The following TANC1 variants were observed in gnomAD, a reference collection of about 807,000 sequenced individuals.
TANC1 encodes the protein tetratricopeptide repeat, ankyrin repeat and coiled-coil containing 1.
Under a neutral mutation model 149.7 loss-of-function variants are expected in TANC1, and 77 were observed. That is an observed-to-expected ratio of 0.51 (90% CI 0.43 to 0.62). TANC1 has a LOEUF of 0.62. Among genes scored for constraint, TANC1 ranks in the 20% least tolerant of loss-of-function variants. The probability of loss-of-function intolerance (pLI) is 0.00; values close to 1 mark genes in which losing one functional copy is unlikely to be tolerated. For missense variants in TANC1, 1,985 were observed against 2,321.8 expected, an observed-to-expected ratio of 0.85 and a Z score of 2.98; for synonymous variants, 854 against 925.0, an observed-to-expected ratio of 0.92 and a Z score of 1.39.
intron 4 of TANC1, among the ~76,000 whole-genome samples, chr2:159,126,612 A>G (rs1369571663): frequency 6.6e-6 from 1 of 152,274 alleles, no homozygotes; most frequent in Non-Finnish European, 1.5e-5. Context: ...GATAGCTAGC[A>G]GACTGGCTTG....
rs4664277 is a variant in TANC1 at position 159,230,143 on chromosome 2, A to G, written c.4717A>G (p.Thr1573Ala). 628,414 of 1,613,384 alleles carry G rather than the reference A, an allele frequency of 0.39. 127,890 individuals are homozygous for G. Among genetic ancestry groups the G allele is most frequent in the East Asian group, 0.62 (27,867 of 44,810 alleles). ...TCCCATGCCAGGGAGAATCGCTGCCACTCCTGCTGGGAGCAGAACCCAGCA... is the reference window on the plus strand; with the variant it reads ...TCCCATGCCAGGGAGAATCGCTGCCGCTCCTGCTGGGAGCAGAACCCAGCA... The part of the protein sequence containing the change: ...PSPMPGRIAA[T>A]PAGSRTQHLE... Residue 1573 changes from threonine to alanine, a missense_variant, in exon 27 of 27, where the codon ACT (threonine) becomes GCT (alanine). This residue lies in a region of TANC1 where 920 missense variants were observed against 994.7 expected (regional missense o/e 0.92). Transcript: ENST00000263635. This position sits in a 1 kb window ranked among gnomAD's most constrained non-coding sequence, Gnocchi z 4.4.
chr2:158,979,367 G>A (rs760864211), intron 1 of TANC1, among the ~76,000 whole-genome samples: 1 of 151,954 alleles, frequency 6.6e-6, no homozygotes, highest in Non-Finnish European at 1.5e-5. Context: ...GTGGTACCAT[G>A]CCTGTGGTCT....
At chr2:159,219,013 A>C (rs1382673558) in intron 20 of TANC1, among the ~76,000 whole-genome samples, 1 of 152,204 alleles carries the variant, frequency 6.6e-6, no homozygotes, top group Admixed American at 6.5e-5. Flanking sequence ...TATTTAGTTG[A>C]TAACAGCAAT....
intron 1 of TANC1, among the ~76,000 whole-genome samples, chr2:158,998,523 G>A (rs1309805556): frequency 6.6e-6 from 1 of 152,230 alleles, no homozygotes; most frequent in Non-Finnish European, 1.5e-5. Flanking sequence ...GACGCTATGT[G>A]ATTGTGCCCT....
intron 1 of TANC1, among the ~76,000 whole-genome samples, chr2:158,977,213 C>G (rs2033789101): frequency 1.3e-5 from 2 of 152,076 alleles, no homozygotes; most frequent in African/African-American, 4.8e-5. Flanking sequence ...GATGATAGTT[C>G]ACTGCAGCCT....
At chr2:159,016,765 A>T (rs367788551) in intron 2 of TANC1, among the ~76,000 whole-genome samples, 1 of 151,722 alleles carries the variant, frequency 6.6e-6, no homozygotes, top group African/African-American at 2.4e-5. Context: ...TAGTAGAGAC[A>T]GGGTTTCACT....
At chr2:159,172,306 TAGAG>T in intron 11 of TANC1, 34 bp downstream of exon 11, 2 of 1,598,764 alleles carry the variant, frequency 1.3e-6, no homozygotes, top group South Asian at 2.2e-5. Flanking sequence ...GCCTTCCACA[TAGAG>T]AGATTTGCTG....
intron 3 of TANC1, among the ~76,000 whole-genome samples, chr2:159,083,908 G>C (rs2044543047): frequency 3.9e-5 from 6 of 151,944 alleles, no homozygotes; most frequent in Admixed American, 3.9e-4. Flanking sequence ...TGGTGGAATA[G>C]GGATAAAGTA....
rs1287201481 is a variant in TANC1 at position 159,196,644 on chromosome 2, G to C, written c.3016G>C (p.Val1006Leu). Residue 1006 changes from valine to leucine, a missense_variant, in exon 18 of 27, where the codon GTC becomes CTC. Physicochemically the swap from Val to Leu is conservative, Grantham distance 32 (BLOSUM62 1). Around this residue, in one of 3 missense-constraint regions of TANC1, gnomAD observed 508 missense variants for 714.2 expected, o/e 0.71. Transcript: ENST00000263635. ...HLDKKGQCAL[V>L]HSALRGHGDI... is the part of the protein sequence containing the mutation. Reference sequence around the variant, plus strand: ...GGATAAGAAGGGCCAGTGTGCGCTTGTCCACAGTGCCCTACGGGGCCACGG... The same window carrying C: ...GGATAAGAAGGGCCAGTGTGCGCTTCTCCACAGTGCCCTACGGGGCCACGG... 1 of 1,612,172 alleles carries C rather than the reference G, an allele frequency of 6.2e-7. No homozygotes were observed.
At chr2:159,092,900 G>A (rs1574607435) in intron 3 of TANC1, among the ~76,000 whole-genome samples, 1 of 152,342 alleles carries the variant, frequency 6.6e-6, no homozygotes, top group East Asian at 1.9e-4. Flanking sequence ...TCTTAAACGT[G>A]TGAAGTGGTG....
intron 14 of TANC1, among the ~76,000 whole-genome samples, chr2:159,183,848 G>C (rs979128944): frequency 6.6e-6 from 1 of 152,258 alleles, no homozygotes; most frequent in African/African-American, 2.4e-5. Context: ...CTTTGTTCCC[G>C]TGGAATCTGT....
chr2:159,133,095 A>T lies in TANC1; in HGVS notation c.260-3099A>T, dbSNP rs556959275. ...TAGGTAGATTGGAGCTTGGAAATAG[A>T]TCTCTTTAGATTTGCTGTTACTGTA... On this transcript the variant is annotated intron_variant, in intron 4 of 26. Coordinates refer to ENST00000263635, the MANE Select transcript of TANC1 (RefSeq NM_033394.3). 2.6e-5 allele frequency among the ~76,000 whole-genome samples: 4 copies of T among 152,276 alleles called. No individual in the cohort carries two copies. The South Asian group carries it at 8.3e-4, about 32-fold the overall frequency.
At chr2:159,134,751 G>A (rs979048400) in intron 4 of TANC1, among the ~76,000 whole-genome samples, 2 of 152,002 alleles carry the variant, frequency 1.3e-5, no homozygotes, top group African/African-American at 4.8e-5. Context: ...CCAATGTGCT[G>A]GGATTACAGG....
intron 2 of TANC1, among the ~76,000 whole-genome samples, chr2:159,024,082 AC>A (rs981542387): frequency 1.3e-5 from 2 of 152,042 alleles, no homozygotes; most frequent in Non-Finnish European, 2.9e-5. Flanking sequence ...TGTTTCAGTA[AC>A]CCTACATTGC....
chr2:159,164,915 G>A (rs892750077), intron 8 of TANC1, among the ~76,000 whole-genome samples: 3 of 152,168 alleles, frequency 2.0e-5, no homozygotes, highest in Non-Finnish European at 4.4e-5. Flanking sequence ...AACATTATAC[G>A]AGTTGACTGA....
At chr2:159,007,917 C>T (rs376971125) in intron 2 of TANC1, among the ~76,000 whole-genome samples, 17 of 152,134 alleles carry the variant, frequency 1.1e-4, no homozygotes, top group South Asian at 2.1e-4. Flanking sequence ...TAAAGTGGGG[C>T]GCTCACCCTT....
chr2:159,002,178 G>T (rs930124087), intron 2 of TANC1, among the ~76,000 whole-genome samples: 1 of 152,160 alleles, frequency 6.6e-6, no homozygotes, highest in African/African-American at 2.4e-5. Context: ...TGGGACCTGC[G>T]GCCGGAGGGG....
intron 11 of TANC1, among the ~76,000 whole-genome samples, chr2:159,174,485 T>C (rs1352175662): frequency 6.6e-6 from 1 of 152,126 alleles, no homozygotes; most frequent in Non-Finnish European, 1.5e-5. Context: ...GGAGCTGCTG[T>C]GACTCTACAG....
chr2:159,222,127 A>G (rs1172804264), intron 22 of TANC1, among the ~76,000 whole-genome samples: 1 of 152,228 alleles, frequency 6.6e-6, no homozygotes, highest in Non-Finnish European at 1.5e-5. Flanking sequence ...TTTCAAAAAC[A>G]TACTCAACTA....
Sources: gnomAD v4.1 joint callset for allele counts (sites outside exome capture counted in the v4.1 genomes callset) on GRCh38, gnomAD v4.1.1 for gene constraint, gnomAD v4.1.1 regional missense constraint, Gnocchi (gnomAD v3.1) non-coding constraint, MANE v1.5 for transcripts, NCBI Gene and HGNC (gene_info 2026-07-23, HGNC 2026-07-21) for gene names.